The following DLGAP4 variants were observed in gnomAD, a reference collection of about 807,000 sequenced individuals.
The protein encoded by DLGAP4 is disks large-associated protein 4.
Under a neutral mutation model 86.9 loss-of-function variants are expected in DLGAP4, and 18 were observed. That is an observed-to-expected ratio of 0.21 (90% CI 0.14 to 0.31). DLGAP4 has a LOEUF of 0.31. DLGAP4 is among the 10% of genes least tolerant of loss of function. The probability of loss-of-function intolerance (pLI) is 1.00; values close to 1 mark genes in which losing one functional copy is unlikely to be tolerated. For synonymous variants in DLGAP4, 548 were observed against 574.3 expected (o/e 0.95, Z 0.65); for missense variants, 1,085 against 1,362.6 (o/e 0.80, Z 3.21).
chr20:36,356,940 C>T (rs1030361228), intron 1 of DLGAP4, among the ~76,000 whole-genome samples: 75 of 152,298 alleles, frequency 4.9e-4, no homozygotes, highest in African/African-American at 1.7e-3. Context: ...TTTTAGTCTA[C>T]GTGTCTCCTG....
intron 2 of DLGAP4, among the ~76,000 whole-genome samples, chr20:36,394,678 C>T (rs1433511895): frequency 1.3e-5 from 2 of 150,424 alleles, no homozygotes; most frequent in Non-Finnish European, 3.0e-5. Context: ...GTGGCTGCCT[C>T]TGCCACCCTT....
chr20:36,505,656 A>G (rs2036331148), intron 10 of DLGAP4, among the ~76,000 whole-genome samples: 1 of 152,112 alleles, frequency 6.6e-6, no homozygotes, highest in Non-Finnish European at 1.5e-5. Flanking sequence ...TGTGCCTGTC[A>G]TTCCAGCTAT....
At chr20:36,525,317 G>A (rs1024861257) in intron 11 of DLGAP4, among the ~76,000 whole-genome samples, 1 of 147,936 alleles carries the variant, frequency 6.8e-6, no homozygotes, top group Non-Finnish European at 1.5e-5. Context: ...CCTGTTAGGA[G>A]GGCTGGCCCT....
intron 7 of DLGAP4, 58 bp from the exon 8 acceptor site, chr20:36,496,647 G>A: frequency 6.5e-7 from 1 of 1,547,566 alleles, no homozygotes; most frequent in Non-Finnish European, 8.8e-7. Context: ...AGGGGCTTGA[G>A]AGGGTTGGGG....
Position 36,500,501 on chromosome 20 carries a change from G to A in DLGAP4, c.2402G>A (p.Arg801His), listed in dbSNP as rs766855015. ...GAGCCGGCACAGCCAGGGGCCTGCC[G>A]CCGAGACGGCTACTGGTTCCTAAAG... ...PAEPAQPGAC[R>H]RDGYWFLKLL... Residue 801 changes from arginine to histidine, a missense_variant, in exon 10 of 13, where the codon CGC (arginine) becomes CAC (histidine). Around this residue, in one of 2 missense-constraint regions of DLGAP4, gnomAD observed 1,082 missense variants for 1,344.1 expected, o/e 0.81. Transcript: ENST00000339266. The surrounding 1 kb of genome is among the most constrained non-coding windows in gnomAD (Gnocchi z 4.6). 1.3e-5 allele frequency: 20 copies of A among 1,592,828 alleles called. No individual in the cohort carries two copies. In the African/African-American group the frequency reaches 1.6e-4, roughly 13 times the overall value.
chr20:36,331,327 G>A (rs1006764819), intron 1 of DLGAP4, among the ~76,000 whole-genome samples: 8 of 152,234 alleles, frequency 5.3e-5, no homozygotes, highest in Admixed American at 1.3e-4. Context: ...CCCAGCCACC[G>A]GGAGGCCCAT....
At chr20:36,327,861 G>C (rs1337894603) in intron 1 of DLGAP4, among the ~76,000 whole-genome samples, 2 of 147,834 alleles carry the variant, frequency 1.4e-5, no homozygotes, top group African/African-American at 2.4e-5. Flanking sequence ...AAAGTGCTGG[G>C]ATTACAGGCG....
intron 2 of DLGAP4, among the ~76,000 whole-genome samples, chr20:36,381,092 T>C (rs962578917): frequency 2.6e-5 from 4 of 152,258 alleles, no homozygotes; most frequent in Non-Finnish European, 5.9e-5. Flanking sequence ...AGATATTTAA[T>C]GTACATAAAA....
chr20:36,323,004 A>G (rs1362905281), intron 1 of DLGAP4, among the ~76,000 whole-genome samples: 1 of 151,662 alleles, frequency 6.6e-6, no homozygotes, highest in Middle Eastern at 3.4e-3. Context: ...GTGAAACCCC[A>G]TCTCTACAAA....
At chr20:36,456,761 C>T (rs1318208894) in intron 7 of DLGAP4, among the ~76,000 whole-genome samples, 1 of 152,202 alleles carries the variant, frequency 6.6e-6, no homozygotes, top group Admixed American at 6.5e-5. Context: ...GTGACCAGGA[C>T]TGAAGGACTG....
chr20:36,331,092 TG>T (rs1347866349), intron 1 of DLGAP4, among the ~76,000 whole-genome samples: 4 of 152,128 alleles, frequency 2.6e-5, no homozygotes, highest in Admixed American at 1.3e-4. Flanking sequence ...TGGGGGCCTG[TG>T]GGGGGAGGCC....
chr20:36,503,478 CCTT>C (rs1175508294), intron 10 of DLGAP4, among the ~76,000 whole-genome samples: 4 of 136,354 alleles, frequency 2.9e-5, no homozygotes, highest in African/African-American at 3.2e-5. Flanking sequence ...CCATATATGG[CCTT>C]TTTTTTTTTT....
chr20:36,356,265 T>A (rs2030322530), intron 1 of DLGAP4, among the ~76,000 whole-genome samples: 1 of 152,214 alleles, frequency 6.6e-6, no homozygotes, highest in Admixed American at 6.5e-5. Flanking sequence ...ATTCACTTTA[T>A]CGTTAAAGCC....
chr20:36,361,665 G>A (rs1250968865), intron 1 of DLGAP4, among the ~76,000 whole-genome samples: 1 of 152,024 alleles, frequency 6.6e-6, no homozygotes, highest in East Asian at 1.9e-4. Context: ...GGGATGTATA[G>A]GAGGTTTTTT....
chr20:36,483,701 C>T (rs993636749), intron 7 of DLGAP4, among the ~76,000 whole-genome samples: 22 of 152,160 alleles, frequency 1.4e-4, no homozygotes, highest in Admixed American at 1.1e-3. Context: ...TGAGTGGTTC[C>T]GGTGTTCCTG....
chr20:36,403,050 G>C (rs900066434), intron 2 of DLGAP4, among the ~76,000 whole-genome samples: 1 of 152,230 alleles, frequency 6.6e-6, no homozygotes, highest in Non-Finnish European at 1.5e-5. Context: ...GCCCAAGGCT[G>C]TGTAGCTGGC....
At chr20:36,368,942 C>T (rs933609542) in intron 2 of DLGAP4, among the ~76,000 whole-genome samples, 6 of 152,306 alleles carry the variant, frequency 3.9e-5, no homozygotes, top group Non-Finnish European at 7.3e-5. Context: ...AAATTACTGC[C>T]ATCCAGTGCC....
chr20:36,506,526 T>C (rs2036381937), intron 10 of DLGAP4, among the ~76,000 whole-genome samples: 1 of 152,172 alleles, frequency 6.6e-6, no homozygotes, highest in Non-Finnish European at 1.5e-5. Context: ...CCAAAATACA[T>C]AGGTCAGGGA....
intron 10 of DLGAP4, among the ~76,000 whole-genome samples, chr20:36,501,114 GAGTGC>G (rs2036127370): frequency 6.7e-6 from 1 of 150,228 alleles, no homozygotes; most frequent in African/African-American, 2.5e-5. Context: ...ACCCAGGCTG[GAGTGC>G]AGTGGCTCGA....
Sources: gnomAD v4.1 joint callset for allele counts (sites outside exome capture counted in the v4.1 genomes callset) on GRCh38, gnomAD v4.1.1 for gene constraint, gnomAD v4.1.1 regional missense constraint, Gnocchi (gnomAD v3.1) non-coding constraint, MANE v1.5 for transcripts, NCBI Gene and HGNC (gene_info 2026-07-23, HGNC 2026-07-21) for gene names.